NCOA3: variants seen among roughly 807,000 people sequenced by gnomAD.
NCOA3 encodes nuclear receptor coactivator 3, also known as CBP-interacting protein.
In NCOA3, 51 loss-of-function variants were observed where a neutral mutation model predicts 158.8. That is an observed-to-expected ratio of 0.32 (90% CI 0.26 to 0.41). The LOEUF (loss-of-function observed/expected upper bound fraction) is 0.41, where lower values mean the gene tolerates loss of function less well. Among genes scored for constraint, NCOA3 ranks in the 10% least tolerant of loss-of-function variants. The pLI is 1.00. For missense variants in NCOA3, 1,510 were observed against 1,746.6 expected (o/e 0.86, Z 2.41); for synonymous variants, 537 against 592.4 (o/e 0.91, Z 1.36).
chr20:47,511,743 G>A (rs997455936), intron 1 of NCOA3, among the ~76,000 whole-genome samples: 2 of 150,852 alleles, frequency 1.3e-5, no homozygotes, highest in Non-Finnish European at 3.0e-5. Flanking sequence ...TAGTAGAGAC[G>A]GGGTTTCACC....
Position 47,636,162 on chromosome 20 carries a change from C to G in NCOA3, c.1776C>G (p.His592Gln). 1 of 1,614,178 alleles carries G rather than the reference C, an allele frequency of 6.2e-7. No individual in the cohort carries two copies. Among genetic ancestry groups the G allele is most frequent in the South Asian group, 1.1e-5 (1 of 91,090 alleles). Residue 592 changes from histidine (H) to glutamine (Q), a missense_variant, in exon 12 of 23, where the codon CAC becomes CAG. Physicochemically the swap from His to Gln is conservative, Grantham distance 24 (BLOSUM62 0). This residue lies in a region of NCOA3 where 1,017 missense variants were observed against 1,098.3 expected (regional missense o/e 0.93). Transcript: ENST00000371998. ...SSMCQSNSRD[H>Q]LSDKESKESS... is the part of the protein sequence containing the mutation. The stretch of plus-strand genomic sequence containing the variant: ...TGTGTCAGTCAAATAGCAGAGATCA[C>G]CTCAGTGACAAAGAAAGTAAGGAGA...
chr20:47,620,147 C>T (rs376098264), intron 2 of NCOA3, among the ~76,000 whole-genome samples: 19 of 152,008 alleles, frequency 1.2e-4, no homozygotes, highest in East Asian at 1.2e-3. Context: ...GAGTCTCACT[C>T]GGTCACCCAG....
At chr20:47,621,355 A>G (rs2086237587) in intron 2 of NCOA3, among the ~76,000 whole-genome samples, 1 of 151,890 alleles carries the variant, frequency 6.6e-6, no homozygotes, top group Non-Finnish European at 1.5e-5. Context: ...TCCTGGTAGC[A>G]TTCTGCCACC....
chr20:47,577,082 A>T (rs997295951), intron 1 of NCOA3, among the ~76,000 whole-genome samples: 16 of 152,146 alleles, frequency 1.1e-4, no homozygotes, highest in Non-Finnish European at 1.5e-4. Flanking sequence ...AAGCTAATTT[A>T]AAAAAATTTA....
Position 47,625,061 on chromosome 20 carries a change from C to T in NCOA3, c.257-320C>T, listed in dbSNP as rs1462783197. Among the ~76,000 whole-genome samples the T allele has an allele frequency of 3.9e-5, 6 of 152,194 alleles. No individual in the cohort carries two copies. In the South Asian group the frequency reaches 1.2e-3, roughly 31 times the overall value. On this transcript the variant is annotated intron_variant, in intron 4 of 22. Transcript: ENST00000371998. ...GTGCTGGGATTACAGGTGTGAGCCA[C>T]CGCGCTGGGCCTCCAGCTTATGCTC...
chr20:47,591,103 G>T (rs530966700), intron 2 of NCOA3, among the ~76,000 whole-genome samples: 85 of 152,246 alleles, frequency 5.6e-4, no homozygotes, highest in African/African-American at 2.0e-3. Context: ...GAGTAAGATT[G>T]TGTCTCAAGA....
intron 2 of NCOA3, among the ~76,000 whole-genome samples, chr20:47,619,638 C>G (rs1317692883): frequency 6.3e-5 from 9 of 142,898 alleles, no homozygotes; most frequent in Non-Finnish European, 1.4e-4. Flanking sequence ...CAGTAAGACC[C>G]TGTCTTTAAA....
At position 47,515,250 on chromosome 20, in the gene NCOA3, C is replaced by T. The variant is rs1459998868; in HGVS notation, c.-99+13231C>T. Among the ~76,000 whole-genome samples, 3 of 151,644 alleles carry T rather than the reference C, an allele frequency of 2.0e-5. No individual in the cohort carries two copies. In the East Asian group the frequency reaches 5.8e-4, roughly 29 times the overall value. On this transcript the variant is annotated intron_variant, in intron 1 of 22. Coordinates refer to ENST00000371998, the MANE Select transcript of NCOA3 (RefSeq NM_181659.3). ...CGATCTCCGCTCACCACAACCTCCG[C>T]CTCCTGAGTTCAAACAATTCTCCTG...
At chr20:47,609,096 CATTA>C (rs1306882921) in intron 2 of NCOA3, among the ~76,000 whole-genome samples, 1 of 152,078 alleles carries the variant, frequency 6.6e-6, no homozygotes, top group African/African-American at 2.4e-5. Flanking sequence ...ACAAATCGGC[CATTA>C]ATTTTAAATA....
intron 2 of NCOA3, among the ~76,000 whole-genome samples, chr20:47,597,581 C>G (rs181235620): frequency 1.3e-5 from 2 of 151,344 alleles, no homozygotes; most frequent in African/African-American, 4.9e-5. Flanking sequence ...CTCTGCCTCC[C>G]GGGTTCATGC....
At chr20:47,599,656 CA>C (rs2085825039) in intron 2 of NCOA3, among the ~76,000 whole-genome samples, 1 of 152,162 alleles carries the variant, frequency 6.6e-6, no homozygotes, top group Non-Finnish European at 1.5e-5. Context: ...ACACTGATCT[CA>C]AAAGGTTTCC....
intron 2 of NCOA3, among the ~76,000 whole-genome samples, chr20:47,596,695 C>T (rs1941125194): frequency 1.3e-5 from 2 of 152,138 alleles, no homozygotes; most frequent in African/African-American, 4.8e-5. Flanking sequence ...AAGCGATACT[C>T]CCACCTCAGC....
At chr20:47,555,636 T>C (rs1381211619) in intron 1 of NCOA3, among the ~76,000 whole-genome samples, 1 of 141,446 alleles carries the variant, frequency 7.1e-6, no homozygotes, top group Non-Finnish European at 1.5e-5. Context: ...TAAAGTGTTT[T>C]TTTTTTTTTT....
Position 47,653,491 on chromosome 20 carries a change from A to C in NCOA3, c.*74A>C. ...GCACTAGGATTATTGGGAAGGAATC[A>C]TTGTTCCAGGCATCCATCTTGGAAG... is the stretch of plus-strand genomic sequence containing the variant. On this transcript the variant is annotated 3_prime_UTR_variant, in exon 23 of 23. Transcript: ENST00000371998. The C allele has an allele frequency of 6.6e-7, 1 of 1,521,860 alleles. No individual in the cohort carries two copies. The highest frequency in any genetic ancestry group is 1.7e-4 in the Middle Eastern group (1 of 5,804). 94.3% of individuals were successfully genotyped at this position (1,521,860 alleles called of 1,614,324 possible). A position where few individuals can be genotyped will look rare whatever the true frequency, so the allele number is the denominator to read the frequency against.
intron 1 of NCOA3, among the ~76,000 whole-genome samples, chr20:47,508,771 T>C (rs1201133491): frequency 6.6e-6 from 1 of 152,246 alleles, no homozygotes; most frequent in Non-Finnish European, 1.5e-5. Flanking sequence ...TGAAAACCTT[T>C]TTTTCCTTTT....
chr20:47,623,786 T>C (rs1485740278), intron 3 of NCOA3, 125 bp from the exon 4 acceptor site: 2 of 896,776 alleles, frequency 2.2e-6, no homozygotes, highest in African/African-American at 3.7e-5. Flanking sequence ...GAAAACTCTG[T>C]CTCGAGGAAA....
chr20:47,516,819 C>T (rs951372165), intron 1 of NCOA3, among the ~76,000 whole-genome samples: 6 of 151,468 alleles, frequency 4.0e-5, no homozygotes, highest in Non-Finnish European at 5.9e-5. Context: ...CCAAGCTGCT[C>T]GGGAGGCTGA....
intron 7 of NCOA3, 54 bp from the exon 8 acceptor site, chr20:47,627,868 A>AT: frequency 1.3e-6 from 2 of 1,581,220 alleles, no homozygotes; most frequent in Non-Finnish European, 1.7e-6. Context: ...CCTATTGAAC[A>AT]TATATATCCA....
chr20:47,636,239 A>G lies in NCOA3; in HGVS notation c.1853A>G (p.His618Arg), dbSNP rs750871226. 9 of 1,614,224 alleles carry G rather than the reference A, an allele frequency of 5.6e-6. No homozygotes were observed. The South Asian group carries it at 7.7e-5, about 14-fold the overall frequency. The change falls in exon 12 of 23, where the codon CAT becomes CGT. Residue 618 changes from histidine to arginine, a missense_variant. Physicochemically the swap from His to Arg is conservative, Grantham distance 29. Coordinates refer to ENST00000371998, the MANE Select transcript of NCOA3 (RefSeq NM_181659.3). ...NQRGPLESKGHKKLLQLLTCS... is the reference protein window; with the variant it reads ...NQRGPLESKGRKKLLQLLTCS... ...AGGGGTCCTTTGGAAAGCAAAGGTC[A>G]TAAAAAATTACTGCAGTTACTTACC...
Sources: gnomAD v4.1 joint callset for allele counts (sites outside exome capture counted in the v4.1 genomes callset) on GRCh38, gnomAD v4.1.1 for gene constraint, gnomAD v4.1.1 regional missense constraint, MANE v1.5 for transcripts, NCBI Gene and HGNC (gene_info 2026-07-23, HGNC 2026-07-21) for gene names.